PRUNE2: variants seen among roughly 807,000 people sequenced by gnomAD.
PRUNE2 encodes prune homolog 2 with BCH domain, also known as protein prune homolog 2.
In PRUNE2, 164 loss-of-function variants were observed where a neutral mutation model predicts 252.0. The ratio of observed to expected loss-of-function variants is 0.65; its 90% CI spans 0.57 to 0.74. PRUNE2 has a LOEUF of 0.74. Ranked by LOEUF, PRUNE2 falls within the 30% of genes least tolerant of loss-of-function variation. The pLI is 0.00. For synonymous variants in PRUNE2, 1,292 were observed against 1,350.2 expected (o/e 0.96, Z 0.94); for missense variants, 3,495 against 3,711.0 (o/e 0.94, Z 1.51).
intron 6 of PRUNE2, among the ~76,000 whole-genome samples, chr9:76,733,283 T>G (rs1166247732): frequency 3.3e-5 from 5 of 152,224 alleles, no homozygotes; most frequent in Non-Finnish European, 7.3e-5. Context: ...TGGACTGAAG[T>G]GCTATATTGC....
At chr9:76,804,728 G>C (rs2056812897) in intron 6 of PRUNE2, among the ~76,000 whole-genome samples, 1 of 152,190 alleles carries the variant, frequency 6.6e-6, no homozygotes. Flanking sequence ...CAGCGTGCTT[G>C]TTCCTACATT....
chr9:76,673,156 GC>G (rs1179798097), intron 9 of PRUNE2, among the ~76,000 whole-genome samples: 4 of 152,060 alleles, frequency 2.6e-5, no homozygotes, highest in Non-Finnish European at 5.9e-5. Context: ...TAGACCGCTA[GC>G]AAGACTAATG....
chr9:76,703,700 T>A lies in PRUNE2; in HGVS notation c.7913A>T (p.His2638Leu). Residue 2638 changes from histidine (H) to leucine (L), a missense_variant, in exon 9 of 19, where the codon CAT (histidine) becomes CTT (leucine). Transcript: ENST00000376718. ...CAGTGATGGATCACCAACCTCACTATGGCCCAAGAACATCCAACTCTGGTC... is the reference window on the plus strand; with the variant it reads ...CAGTGATGGATCACCAACCTCACTAAGGCCCAAGAACATCCAACTCTGGTC... ...AQDQSWMFLG[H>L]SEVGDPSLDA... The A allele has an allele frequency of 6.2e-7, 1 of 1,613,468 alleles. No homozygotes were observed. The highest frequency in any genetic ancestry group is 1.7e-5 in the Admixed American group (1 of 59,978).
intron 6 of PRUNE2, among the ~76,000 whole-genome samples, chr9:76,775,724 G>C (rs1244094920): frequency 6.6e-6 from 1 of 152,188 alleles, no homozygotes; most frequent in Non-Finnish European, 1.5e-5. Context: ...TGTGAAAATA[G>C]TTGTACATCA....
At chr9:76,873,931 T>C (rs528505882) in intron 1 of PRUNE2, among the ~76,000 whole-genome samples, 1 of 152,352 alleles carries the variant, frequency 6.6e-6, no homozygotes, top group East Asian at 1.9e-4. Context: ...CTTATAAATG[T>C]TATTCTGCAG....
At chr9:76,807,697 C>T (rs1313392750) in intron 6 of PRUNE2, among the ~76,000 whole-genome samples, 2 of 152,142 alleles carry the variant, frequency 1.3e-5, no homozygotes, top group Non-Finnish European at 2.9e-5. Context: ...TTTTCACAGA[C>T]TGAGAAAACC....
At chr9:76,855,435 TAA>T (rs113081872) in intron 1 of PRUNE2, among the ~76,000 whole-genome samples, 2,548 of 140,026 alleles carry the variant, frequency 0.018, 35 homozygotes, top group South Asian at 0.067. Context: ...CTATTTTAAT[TAA>T]AAAAAAAAGT....
At chr9:76,868,837 T>TGGGGGGGGG (rs111357062) in intron 1 of PRUNE2, 12 of 77,100 alleles carry the variant, frequency 1.6e-4, no homozygotes, top group South Asian at 5.8e-4. Flanking sequence ...CCTTGGGGGG[T>TGGGGGGGGG]GGGGGGGGGG....
intron 6 of PRUNE2, among the ~76,000 whole-genome samples, chr9:76,774,459 T>TTATTTATTTATTTATTTATTTA (rs2053502173): frequency 7.2e-6 from 1 of 139,036 alleles, no homozygotes; most frequent in African/African-American, 2.6e-5. Context: ...CCTTTTTTTT[T>TTATTTATTTATTTATTTATTTA]TTTTTTTTTT....
At chr9:76,665,626 G>C (rs1206588748) in intron 9 of PRUNE2, among the ~76,000 whole-genome samples, 2 of 152,200 alleles carry the variant, frequency 1.3e-5, no homozygotes, top group African/African-American at 4.8e-5. Flanking sequence ...AGCACATGGT[G>C]GAGATGAATG....
At chr9:76,633,804 T>A (rs1025846507) in intron 15 of PRUNE2, among the ~76,000 whole-genome samples, 2 of 152,034 alleles carry the variant, frequency 1.3e-5, no homozygotes, top group Non-Finnish European at 2.9e-5. Context: ...TTTTCCTATA[T>A]AATGGAAATA....
intron 9 of PRUNE2, among the ~76,000 whole-genome samples, chr9:76,701,261 A>G (rs776968800): frequency 6.6e-6 from 1 of 152,180 alleles, no homozygotes; most frequent in Admixed American, 6.5e-5. Flanking sequence ...ATTCTCCCAA[A>G]ATCTAGCACA....
intron 1 of PRUNE2, among the ~76,000 whole-genome samples, chr9:76,878,972 A>G (rs2061608154): frequency 6.6e-6 from 1 of 152,248 alleles, no homozygotes; most frequent in African/African-American, 2.4e-5. Context: ...GAATAGCTTT[A>G]CAGAATATAC....
chr9:76,822,118 C>A (rs1239479288), intron 6 of PRUNE2, among the ~76,000 whole-genome samples: 2 of 152,186 alleles, frequency 1.3e-5, no homozygotes, highest in Non-Finnish European at 2.9e-5. Context: ...GGTTCTTAGG[C>A]ACAAAGCAGA....
intron 6 of PRUNE2, among the ~76,000 whole-genome samples, chr9:76,728,671 T>C (rs571676974): frequency 7.9e-5 from 12 of 152,112 alleles, no homozygotes; most frequent in Non-Finnish European, 1.3e-4. Context: ...AGCCCTAACT[T>C]CTCCAAATGA....
intron 6 of PRUNE2, among the ~76,000 whole-genome samples, chr9:76,717,400 T>C (rs1397565995): frequency 6.6e-6 from 1 of 152,198 alleles, no homozygotes; most frequent in Non-Finnish European, 1.5e-5. Flanking sequence ...GGCTCTTATG[T>C]TGCTGACAAG....
At chr9:76,885,847 AT>A (rs59132509) in intron 1 of PRUNE2, among the ~76,000 whole-genome samples, 56,935 of 151,222 alleles carry the variant, frequency 0.38, 11,162 homozygotes, top group Middle Eastern at 0.52. Context: ...TATTTAGTGA[AT>A]TTTTTTTTTA....
chr9:76,889,235 G>A (rs921582575), intron 1 of PRUNE2, among the ~76,000 whole-genome samples: 1 of 152,106 alleles, frequency 6.6e-6, no homozygotes, highest in Non-Finnish European at 1.5e-5. Flanking sequence ...AAAGCATAAG[G>A]GATATGAAGA....
intron 10 of PRUNE2, among the ~76,000 whole-genome samples, chr9:76,653,810 C>T (rs1361461865): frequency 6.6e-6 from 1 of 152,094 alleles, no homozygotes; most frequent in Non-Finnish European, 1.5e-5. Flanking sequence ...GACATTGGTT[C>T]CCATAACATA....
Sources: gnomAD v4.1 joint callset for allele counts (sites outside exome capture counted in the v4.1 genomes callset) on GRCh38, gnomAD v4.1.1 for gene constraint, MANE v1.5 for transcripts, NCBI Gene and HGNC (gene_info 2026-07-23, HGNC 2026-07-21) for gene names.